The following LEPR variants were observed in gnomAD, a reference collection of about 807,000 sequenced individuals.
The protein encoded by LEPR is leptin receptor, also known as OB receptor.
A neutral mutation model predicts 114.7 loss-of-function variants in LEPR; 56 were observed. The ratio of observed to expected loss-of-function variants is 0.49; its 90% CI spans 0.39 to 0.61. The LOEUF is 0.61. LEPR is among the 20% of genes least tolerant of loss of function. LEPR has a pLI of 0.00. For missense variants in LEPR, 1,202 were observed against 1,352.9 expected (o/e 0.89, Z 1.75); for synonymous variants, 443 against 461.4 (o/e 0.96, Z 0.51).
chr1:65,622,788 C>A (rs886168609), intron 18 of LEPR, 118 bp from the exon 19 acceptor site: 2 of 991,450 alleles, frequency 2.0e-6, no homozygotes, highest in Non-Finnish European at 3.1e-6. Flanking sequence ...ATGCATCTGA[C>A]CCTACGGAGG....
chr1:65,605,005 T>C (rs957954628), intron 10 of LEPR, 33 bp from the exon 11 acceptor site: 2 of 1,605,352 alleles, frequency 1.2e-6, no homozygotes, highest in African/African-American at 2.7e-5. Context: ...TTTATTAATG[T>C]ATACTAATTG....
intron 2 of LEPR, among the ~76,000 whole-genome samples, chr1:65,564,224 C>G (rs1350689460): frequency 6.6e-6 from 1 of 151,116 alleles, no homozygotes; most frequent in Non-Finnish European, 1.5e-5. Flanking sequence ...GCGTAGGACC[C>G]TCCGAGCCAG....
At chr1:65,434,016 C>T in intron 2 of LEPR, 1 of 985,282 alleles carries the variant, frequency 1.0e-6, no homozygotes, top group Non-Finnish European at 1.2e-6. Flanking sequence ...ATTTCTACTA[C>T]ATTTTGCAAA....
At chr1:65,451,317 AT>A (rs1369947738) in intron 2 of LEPR, among the ~76,000 whole-genome samples, 3 of 152,150 alleles carry the variant, frequency 2.0e-5, no homozygotes, top group African/African-American at 7.2e-5. Flanking sequence ...TTTTGTTGCC[AT>A]TGCTCTTGGT....
intron 3 of LEPR, among the ~76,000 whole-genome samples, chr1:65,566,240 G>A (rs1048725684): frequency 4.9e-5 from 6 of 121,392 alleles, no homozygotes; most frequent in African/African-American, 1.9e-4. Context: ...GTCTTGCTCT[G>A]CCGCCAGACT....
Position 65,636,397 on chromosome 1 carries a change from C to T in LEPR, c.2880C>T (p.Asn960=), listed in dbSNP as rs193922650. The change falls in exon 20 of 20, where the codon AAC becomes AAT. Residue 960 remains asparagine (N), a synonymous_variant. Coordinates refer to ENST00000349533, the MANE Select transcript of LEPR (RefSeq NM_002303.6). ...KGSVCISDQF[N]SVNFSEAEGT... ...CTGTTTGTATTAGTGACCAGTTCAA[C>T]AGTGTTAACTTCTCTGAGGCTGAGG... 6.8e-6 allele frequency: 11 copies of T among 1,614,094 alleles called. No individual in the cohort carries two copies. In the African/African-American group the frequency reaches 1.2e-4, roughly 18 times the overall value.
chr1:65,472,610 A>G (rs1464330373), intron 2 of LEPR, among the ~76,000 whole-genome samples: 1 of 124,350 alleles, frequency 8.0e-6, no homozygotes, highest in African/African-American at 2.8e-5. Context: ...GAGTGTATAT[A>G]TATAGACACA....
At chr1:65,460,568 T>C (rs1329053616) in intron 2 of LEPR, among the ~76,000 whole-genome samples, 1 of 152,174 alleles carries the variant, frequency 6.6e-6, no homozygotes, top group Non-Finnish European at 1.5e-5. Flanking sequence ...GACAAAGTCA[T>C]GGAACTCTTC....
At position 65,636,789 on chromosome 1, in the gene LEPR, G is replaced by T. The variant is rs148464497; in HGVS notation, c.3272G>T (p.Gly1091Val). ...GVTSIKKRES[G>V]VLLTDKSRVS... ...ACCTCAATCAAAAAGAGAGAGAGTG[G>T]TGTGCTTTTGACTGACAAGTCAAGG... Residue 1091 changes from glycine to valine, a missense_variant, in exon 20 of 20, where the codon GGT becomes GTT. Physicochemically the swap from Gly to Val is moderately radical, Grantham distance 109. Transcript: ENST00000349533. 1 of 1,614,014 alleles carries T rather than the reference G, an allele frequency of 6.2e-7. No individual in the cohort carries two copies. The highest frequency in any genetic ancestry group is 8.5e-7 in the Non-Finnish European group (1 of 1,179,988).
Position 65,592,609 on chromosome 1 carries a change from A to G in LEPR, c.495-48A>G, listed in dbSNP as rs759711427. On this transcript the variant is annotated intron_variant, in intron 5 of 19. Coordinates refer to ENST00000349533, the MANE Select transcript of LEPR (RefSeq NM_002303.6). ...AGTATCCTGCTTTAAAAGCCTATCC[A>G]GTATTTTCATATCTGTTTTAATATT... 21 of 1,596,948 alleles carry G rather than the reference A, an allele frequency of 1.3e-5. No homozygotes were observed. The South Asian group carries it at 2.2e-4, about 17-fold the overall frequency.
intron 2 of LEPR, among the ~76,000 whole-genome samples, chr1:65,517,551 G>A (rs976941998): frequency 2.0e-5 from 3 of 152,198 alleles, no homozygotes; most frequent in Non-Finnish European, 4.4e-5. Flanking sequence ...TCTATGGATG[G>A]TGGATCAACT....
At chr1:65,518,881 C>CTT (rs1327068029) in intron 2 of LEPR, among the ~76,000 whole-genome samples, 7 of 78,502 alleles carry the variant, frequency 8.9e-5, no homozygotes, top group Middle Eastern at 6.9e-3. Flanking sequence ...CTTTTTCTTT[C>CTT]TTTCTTTCTT....
intron 2 of LEPR, among the ~76,000 whole-genome samples, chr1:65,507,419 A>G (rs1648787296): frequency 1.3e-5 from 2 of 148,490 alleles, no homozygotes; most frequent in African/African-American, 5.0e-5. Flanking sequence ...GTTTTTTAAA[A>G]TGCTGAATAG....
At chr1:65,601,795 T>G (rs1656457526) in intron 9 of LEPR, 48 bp from the exon 10 acceptor site, 10 of 1,581,020 alleles carry the variant, frequency 6.3e-6, no homozygotes, top group Non-Finnish European at 7.7e-6. Context: ...TTCATTGAAT[T>G]TTTTGGAGTT....
At chr1:65,431,700 T>C in intron 2 of LEPR, 1 of 1,216,794 alleles carries the variant, frequency 8.2e-7, no homozygotes, top group Non-Finnish European at 1.2e-6. Context: ...AGCAGCTTTG[T>C]GTAACATTTC....
chr1:65,513,790 T>C (rs1275694000), intron 2 of LEPR, among the ~76,000 whole-genome samples: 3 of 152,226 alleles, frequency 2.0e-5, no homozygotes, highest in Non-Finnish European at 4.4e-5. Context: ...TCTGGCCAAC[T>C]GCTTATTTAT....
chr1:65,546,079 G>T (rs1325963742), intron 2 of LEPR, among the ~76,000 whole-genome samples: 2 of 151,932 alleles, frequency 1.3e-5, no homozygotes, highest in Admixed American at 6.6e-5. Flanking sequence ...TTTCCCCATT[G>T]CTTGTTTTTC....
At chr1:65,522,322 T>A (rs905950031) in intron 2 of LEPR, among the ~76,000 whole-genome samples, 10 of 152,166 alleles carry the variant, frequency 6.6e-5, no homozygotes, top group Non-Finnish European at 2.9e-5. Context: ...TATCCCCCAT[T>A]TTCCAGGTTT....
intron 2 of LEPR, among the ~76,000 whole-genome samples, chr1:65,441,155 G>A (rs1336162007): frequency 6.6e-6 from 1 of 152,186 alleles, no homozygotes; most frequent in Non-Finnish European, 1.5e-5. Context: ...AATGAAGTTG[G>A]CAAAGAATGC....
Sources: gnomAD v4.1 joint callset for allele counts (sites outside exome capture counted in the v4.1 genomes callset) on GRCh38, gnomAD v4.1.1 for gene constraint, MANE v1.5 for transcripts, NCBI Gene and HGNC (gene_info 2026-07-23, HGNC 2026-07-21) for gene names.